SH3BGRL2: variants seen among roughly 807,000 people sequenced by gnomAD.
SH3BGRL2 encodes SH3 domain binding glutamate rich protein like 2, also known as SH3 domain-binding glutamic acid-rich-like protein 2.
In SH3BGRL2, 21 loss-of-function variants were observed where a neutral mutation model predicts 14.8. The ratio of observed to expected loss-of-function variants is 1.42; its 90% confidence interval spans 1.01 to 2.05. The LOEUF (loss-of-function observed/expected upper bound fraction) is 2.05. Ranked by LOEUF, SH3BGRL2 falls within the 30% of genes most tolerant of loss-of-function variation. SH3BGRL2 has a pLI of 0.00. For synonymous variants in SH3BGRL2, 50 were observed against 47.8 expected (o/e 1.05, Z -0.19); for missense variants, 147 against 130.8 (o/e 1.12, Z -0.61).
the SH3BGRL2 span, among the ~76,000 whole-genome samples, chr6:79,548,817 T>A: frequency 2.6e-5 from 4 of 152,204 alleles, no homozygotes; most frequent in African/African-American, 9.6e-5. Flanking sequence ...AGAGCAAGTC[T>A]GGATCTAATA....
chr6:79,659,025 A>T (rs1769484271), intron 1 of SH3BGRL2, among the ~76,000 whole-genome samples: 1 of 152,000 alleles, frequency 6.6e-6, no homozygotes, highest in African/African-American at 2.4e-5. Context: ...TTCTTTGTAG[A>T]TTCTGGATAT....
At chr6:79,672,723 A>G (rs1769798497) in intron 1 of SH3BGRL2, among the ~76,000 whole-genome samples, 1 of 152,188 alleles carries the variant, frequency 6.6e-6, no homozygotes, top group Non-Finnish European at 1.5e-5. Flanking sequence ...TTGTGTTTTC[A>G]TTCCATCTCA....
the SH3BGRL2 span, among the ~76,000 whole-genome samples, chr6:79,564,842 A>T: frequency 6.6e-6 from 1 of 152,114 alleles, no homozygotes; most frequent in Non-Finnish European, 1.5e-5. Context: ...TTTCTCTTTG[A>T]TATCTGACCC....
the SH3BGRL2 span, among the ~76,000 whole-genome samples, chr6:79,616,036 A>G: frequency 1.3e-5 from 2 of 151,966 alleles, no homozygotes; most frequent in East Asian, 3.9e-4. Context: ...GGCTGGTCTC[A>G]AATTCCCGAC....
chr6:79,670,799 G>T (rs1295030443), intron 1 of SH3BGRL2, among the ~76,000 whole-genome samples: 1 of 152,118 alleles, frequency 6.6e-6, no homozygotes, highest in Non-Finnish European at 1.5e-5. Flanking sequence ...ACATATTTAT[G>T]GTGTTTGTTT....
chr6:79,555,226 G>A, the SH3BGRL2 span, among the ~76,000 whole-genome samples: 1 of 152,012 alleles, frequency 6.6e-6, no homozygotes, highest in Non-Finnish European at 1.5e-5. Flanking sequence ...GAGGCAGGCG[G>A]ATCACCTGAG....
At chr6:79,539,822 G>C in the SH3BGRL2 span, among the ~76,000 whole-genome samples, 1 of 152,098 alleles carries the variant, frequency 6.6e-6, no homozygotes, top group Non-Finnish European at 1.5e-5. Flanking sequence ...AAAGTGGGGG[G>C]ACATACTATA....
At chr6:79,609,492 G>C in the SH3BGRL2 span, among the ~76,000 whole-genome samples, 2 of 152,120 alleles carry the variant, frequency 1.3e-5, no homozygotes, top group African/African-American at 2.4e-5. Flanking sequence ...AATTAGAGAA[G>C]TGTCTTTCTT....
At chr6:79,583,266 G>C in the SH3BGRL2 span, among the ~76,000 whole-genome samples, 1 of 152,290 alleles carries the variant, frequency 6.6e-6, no homozygotes, top group African/African-American at 2.4e-5. Flanking sequence ...ATTTGACCCA[G>C]CCATCCCATT....
the SH3BGRL2 span, among the ~76,000 whole-genome samples, chr6:79,613,625 T>A: frequency 2.0e-5 from 3 of 152,292 alleles, no homozygotes; most frequent in Admixed American, 6.5e-5. Flanking sequence ...TTTTTCTTTT[T>A]TTTGAGACAG....
rs903582967 is a variant in SH3BGRL2 at position 79,699,718 on chromosome 6, T to G, written c.*209T>G. ...AATCAGGTGGTGGATTTTTTTTTTC[T>G]TATTCTATTTGCCTGCAGTTGCCTC... On this transcript the variant is annotated 3_prime_UTR_variant, in exon 4 of 4. Coordinates refer to ENST00000369838, the MANE Select transcript of SH3BGRL2 (RefSeq NM_031469.4). 3 of 602,018 alleles carry G rather than the reference T, an allele frequency of 5.0e-6. No homozygotes were observed. Among genetic ancestry groups the G allele is most frequent in the Non-Finnish European group, 7.7e-6 (3 of 391,076 alleles). 37.3% of individuals were successfully genotyped at this position (602,018 alleles called of 1,614,324 possible). A position where few individuals can be genotyped will look rare whatever the true frequency, so the allele number is the denominator to read the frequency against.
At chr6:79,650,810 G>GT (rs1287791035) in intron 1 of SH3BGRL2, among the ~76,000 whole-genome samples, 3 of 151,956 alleles carry the variant, frequency 2.0e-5, no homozygotes, top group African/African-American at 7.2e-5. Flanking sequence ...ATCAGCAGGT[G>GT]AGGGCATCCA....
At chr6:79,569,345 A>G in the SH3BGRL2 span, among the ~76,000 whole-genome samples, 27 of 152,152 alleles carry the variant, frequency 1.8e-4, no homozygotes, top group Non-Finnish European at 3.7e-4. Flanking sequence ...AATAGATTGT[A>G]AATGTTTCTT....
chr6:79,566,445 G>C, the SH3BGRL2 span, among the ~76,000 whole-genome samples: 1 of 152,062 alleles, frequency 6.6e-6, no homozygotes, highest in Non-Finnish European at 1.5e-5. Flanking sequence ...CTCACTTCAT[G>C]CTTCCAGTTA....
intron 2 of SH3BGRL2, among the ~76,000 whole-genome samples, chr6:79,683,214 G>T (rs1032023618): frequency 2.0e-5 from 3 of 151,968 alleles, no homozygotes; most frequent in Admixed American, 2.0e-4. Flanking sequence ...AAAAACACTG[G>T]TATATTATAG....
At chr6:79,541,079 C>T in the SH3BGRL2 span, among the ~76,000 whole-genome samples, 1 of 151,898 alleles carries the variant, frequency 6.6e-6, no homozygotes. Context: ...ATGGTGAGAC[C>T]CCCATTTCTA....
At chr6:79,616,958 C>G in the SH3BGRL2 span, among the ~76,000 whole-genome samples, 2 of 152,094 alleles carry the variant, frequency 1.3e-5, no homozygotes, top group African/African-American at 4.8e-5. Context: ...GAGGCCAAGG[C>G]GGGCAGATCA....
intron 1 of SH3BGRL2, among the ~76,000 whole-genome samples, chr6:79,672,275 T>G (rs971298855): frequency 2.0e-5 from 3 of 152,354 alleles, no homozygotes; most frequent in East Asian, 3.9e-4. Context: ...AAAATAAAAC[T>G]CTTGCTCCCA....
At chr6:79,648,114 G>T (rs1193478965) in intron 1 of SH3BGRL2, among the ~76,000 whole-genome samples, 1 of 150,932 alleles carries the variant, frequency 6.6e-6, no homozygotes, top group African/African-American at 2.4e-5. Flanking sequence ...TAAATCTTGT[G>T]TGTTAGGTTC....
Sources: allele counts gnomAD v4.1 joint callset (sites outside exome capture counted in the v4.1 genomes callset), GRCh38; gene constraint gnomAD v4.1.1; transcripts MANE v1.5; gene names NCBI Gene and HGNC (gene_info 2026-07-23, HGNC 2026-07-21).